Variants in PPP1CC observed in about 807,000 individuals in gnomAD.
PPP1CC encodes the protein protein phosphatase 1 catalytic subunit gamma, also known as serine/threonine-protein phosphatase PP1-gamma catalytic subunit.
A neutral mutation model predicts 38.4 loss-of-function variants in PPP1CC; 16 were observed. That is an observed-to-expected ratio of 0.42 (90% CI 0.28 to 0.63). The LOEUF is 0.63. Ranked by LOEUF, PPP1CC falls within the 30% of genes least tolerant of loss-of-function variation. The pLI is 0.25. For synonymous variants in PPP1CC, 158 were observed against 136.0 expected, an observed-to-expected ratio of 1.16 and a Z score of -1.13; for missense variants, 170 against 391.3, an observed-to-expected ratio of 0.43 and a Z score of 4.77.
At chr12:110,716,911 AAGTAC>A (rs1468704310), downstream of PPP1CC, among the ~76,000 whole-genome samples, 1 of 152,214 alleles carries the variant, frequency 6.6e-6, no homozygotes, top group Non-Finnish European at 1.5e-5. Flanking sequence ...GCACTAATGC[AAGTAC>A]TCAATTCTAT....
chr12:110,723,551 C>CTAGGCTG (rs1431845357), intron 4 of PPP1CC, among the ~76,000 whole-genome samples: 1 of 152,156 alleles, frequency 6.6e-6, no homozygotes, highest in Non-Finnish European at 1.5e-5. Context: ...GCTCTGTTGC[C>CTAGGCTG]TAGGCTGGAG....
At chr12:110,718,697 T>C (rs113086001), downstream of PPP1CC, among the ~76,000 whole-genome samples, 226 of 152,262 alleles carry the variant, frequency 1.5e-3, 1 homozygote, top group African/African-American at 5.1e-3. Context: ...AGATTCACAA[T>C]GTGAGACGGC....
rs1220801226 is a variant in PPP1CC, at chr12:110,737,777, A to AAAAAAG, written c.55+4870_55+4875dup. On this transcript the variant is annotated intron_variant, in intron 1 of 6. Coordinates refer to ENST00000335007, the MANE Select transcript of PPP1CC (RefSeq NM_002710.4). ...CTAGGCAACACCCCTGTCTTTAAGA[A>AAAAAAG]AAAAAGAAAAAGAAAAAAAAATTAG... is the stretch of plus-strand genomic sequence containing the variant. Among the ~76,000 whole-genome samples, 8 of 152,166 alleles carry AAAAAAG rather than the reference A, an allele frequency of 5.3e-5. No individual in the cohort carries two copies. The East Asian group carries it at 1.5e-3, about 29-fold the overall frequency.
Position 110,721,107 on chromosome 12 carries a change from C to T in PPP1CC, c.941G>A (p.Arg314Lys). The T allele has an allele frequency of 1.9e-6, 3 of 1,613,930 alleles. No homozygotes were observed. Among genetic ancestry groups the T allele is most frequent in the Non-Finnish European group, 2.5e-6 (3 of 1,179,810 alleles). ...CTTTGCTTGCTTTGTGATCATACCCCTTGGAGGCGTTACAGGTCTCGTGGC... is the reference window on the plus strand; with the variant it reads ...CTTTGCTTGCTTTGTGATCATACCCTTTGGAGGCGTTACAGGTCTCGTGGC... The part of the protein sequence containing the change: ...PNATRPVTPP[R>K]GMITKQAKK The change falls in exon 7 of 7, where the codon AGG (arginine) becomes AAG (lysine). Residue 314 changes from arginine to lysine, a missense_variant. Transcript: ENST00000335007.
chr12:110,719,672 G>A (rs990146241), downstream of PPP1CC: 3 of 153,488 alleles, frequency 2.0e-5, no homozygotes, highest in Non-Finnish European at 2.9e-5. Context: ...AAATGGTAGA[G>A]GAGGATCGTT....
intron 1 of PPP1CC, among the ~76,000 whole-genome samples, chr12:110,734,179 C>T (rs2136559762): frequency 6.6e-6 from 1 of 152,264 alleles, no homozygotes; most frequent in South Asian, 2.1e-4. Context: ...CTCATCTGGA[C>T]CCACTGGTAG....
downstream of PPP1CC, among the ~76,000 whole-genome samples, chr12:110,718,716 T>C (rs979017693): frequency 6.6e-6 from 1 of 152,200 alleles, no homozygotes; most frequent in Non-Finnish European, 1.5e-5. Context: ...GCTTCTGCTA[T>C]GGACGTTTCA....
At chr12:110,715,134 T>C (rs564287201), downstream of PPP1CC, among the ~76,000 whole-genome samples, 2 of 151,934 alleles carry the variant, frequency 1.3e-5, no homozygotes, top group African/African-American at 4.8e-5. Flanking sequence ...TTTGATACTG[T>C]GCTAATTGGG....
Position 110,737,753 on chromosome 12 carries a change from T to TA in PPP1CC, c.55+4899dup, listed in dbSNP as rs145592081. On this transcript the variant is annotated intron_variant, in intron 1 of 6. Coordinates refer to ENST00000335007, the MANE Select transcript of PPP1CC (RefSeq NM_002710.4). ...TGTGGCCAGGAGTTAAAGAACAGCC[T>TA]AGGCAACACCCCTGTCTTTAAGAAA... is the stretch of plus-strand genomic sequence containing the variant. Among the ~76,000 whole-genome samples the TA allele has an allele frequency of 7.0e-3, 1,057 of 151,548 alleles. 19 individuals carry two copies. The highest frequency in any genetic ancestry group is 0.024 in the African/African-American group (977 of 41,258).
At chr12:110,721,290 C>A in intron 6 of PPP1CC, 125 bp from the exon 7 acceptor site, 2 of 685,980 alleles carry the variant, frequency 2.9e-6, no homozygotes, top group African/African-American at 1.8e-5. Context: ...TGTAAAAGCC[C>A]CCCTAGCATA....
rs1485263175 is a variant in PPP1CC, at chr12:110,722,327, T to A, written c.748-58A>T. 1.3e-6 allele frequency: 2 copies of A among 1,592,114 alleles called. No individual in the cohort carries two copies. The highest frequency in any genetic ancestry group is 1.4e-5 in the African/African-American group (1 of 74,046). ...TGCAAATATTAGGTGAGTAAAACCA[T>A]GTTTCAGTTTCCCATTGAGCCTGAT... On this transcript the variant is annotated intron_variant, in intron 5 of 6. Coordinates refer to ENST00000335007, the MANE Select transcript of PPP1CC (RefSeq NM_002710.4). The surrounding 1 kb of genome is among the most constrained non-coding windows in gnomAD (Gnocchi z 5.4).
At chr12:110,718,392 TAATAG>T (rs1396920470), downstream of PPP1CC, among the ~76,000 whole-genome samples, 1 of 152,218 alleles carries the variant, frequency 6.6e-6, no homozygotes, top group East Asian at 1.9e-4. Context: ...CCAAAACACT[TAATAG>T]AATAGTATCA....
At chr12:110,732,112 T>A in intron 1 of PPP1CC, 1 of 591,016 alleles carries the variant, frequency 1.7e-6, no homozygotes, top group South Asian at 2.3e-5. Flanking sequence ...TAAGACTTCT[T>A]TTATAGTATT....
the PPP1CC span, among the ~76,000 whole-genome samples, chr12:110,711,685 G>A: frequency 1.6e-4 from 24 of 152,254 alleles, no homozygotes; most frequent in East Asian, 4.6e-3. Context: ...AACACTTTGG[G>A]AGGCCGAGGC....
Position 110,723,512 on chromosome 12 carries a change from T to C in PPP1CC, c.524-817A>G, listed in dbSNP as rs546598362. On this transcript the variant is annotated intron_variant, in intron 4 of 6. Transcript: ENST00000335007. ...AAAGCAAAACAGCTTATAACATATA[T>C]ATGTATATATTTTCAGAGATAGGGT... 1.4e-4 allele frequency among the ~76,000 whole-genome samples: 22 copies of C among 152,240 alleles called. No homozygotes were observed. The South Asian group carries it at 2.3e-3, about 16-fold the overall frequency.
Position 110,721,151 on chromosome 12 carries a change from T to C in PPP1CC, c.897A>G (p.Ala299=), listed in dbSNP as rs773221072. The C allele has an allele frequency of 8.1e-6, 13 of 1,613,786 alleles. No individual in the cohort carries two copies. Among genetic ancestry groups the C allele is most frequent in the Non-Finnish European group, 8.5e-7 (1 of 1,179,742 alleles). Residue 299 remains alanine (A), a synonymous_variant, in exon 7 of 7, where the codon GCA becomes GCG. Transcript: ENST00000335007. ...TCGTGGCATTTGGCTTCTTTTTCTC[T>C]GCAGGCTTTAAAATCTGGAGATTCA... ...LMCSFQILKP[A]EKKKPNATRP...
intron 3 of PPP1CC, among the ~76,000 whole-genome samples, chr12:110,730,304 A>C (rs182783656): frequency 1.3e-5 from 2 of 152,332 alleles, no homozygotes; most frequent in East Asian, 3.9e-4. Context: ...GGTTGCAATG[A>C]GGTAAGATGG....
At chr12:110,712,650 AAAAAAAAAAAAAAAAAG>A in the PPP1CC span, among the ~76,000 whole-genome samples, 140 of 149,548 alleles carry the variant, frequency 9.4e-4, 1 homozygote, top group African/African-American at 3.0e-3. Flanking sequence ...AAAAAAAAAA[AAAAAAAAAAAAAAAAAG>A]GGGGGGCACT....
the PPP1CC span, among the ~76,000 whole-genome samples, chr12:110,711,163 A>G: frequency 6.6e-6 from 1 of 151,992 alleles, no homozygotes; most frequent in Non-Finnish European, 1.5e-5. Context: ...ACAGAGTGAG[A>G]CTCTGTCTCA....
Sources: gnomAD v4.1 joint callset for allele counts (sites outside exome capture counted in the v4.1 genomes callset) on GRCh38, gnomAD v4.1.1 for gene constraint, Gnocchi (gnomAD v3.1) non-coding constraint, MANE v1.5 for transcripts, NCBI Gene and HGNC (gene_info 2026-07-23, HGNC 2026-07-21) for gene names.